CLEC4G: variants seen among roughly 807,000 people sequenced by gnomAD.
CLEC4G encodes C-type lectin superfamily 4, member G.
In CLEC4G, 34 loss-of-function variants were observed where a neutral mutation model predicts 37.0. That is an observed-to-expected ratio of 0.92 (90% CI 0.70 to 1.22). CLEC4G has a LOEUF of 1.22. Ranked by LOEUF, CLEC4G falls within the 50% of genes most tolerant of loss-of-function variation. The probability of loss-of-function intolerance (pLI) is 0.00; values close to 1 mark genes in which losing one functional copy is unlikely to be tolerated. For missense variants in CLEC4G, 390 were observed against 392.9 expected (o/e 0.99, Z 0.06); for synonymous variants, 167 against 165.6 (o/e 1.01, Z -0.06).
chr19:7,730,136 C>T lies in CLEC4G; in HGVS notation c.510G>A (p.Leu170=). The T allele has an allele frequency of 2.5e-6, 4 of 1,613,040 alleles. No homozygotes were observed. The highest frequency in any genetic ancestry group is 3.4e-6 in the Non-Finnish European group (4 of 1,179,702). The part of the protein sequence containing the change: ...NSCEPCPTSW[L]SFEGSCYFFS... ...AAAAGTAGCAGGAGCCCTCGAAGGACAGCCACGACGTGGGGCACGGCTCGC... is the reference window on the plus strand; with the variant it reads ...AAAAGTAGCAGGAGCCCTCGAAGGATAGCCACGACGTGGGGCACGGCTCGC... Residue 170 remains leucine (L), a synonymous_variant, in exon 7 of 9, where the codon CTG becomes CTA. Transcript: ENST00000328853. This position sits in a 1 kb window ranked among gnomAD's most constrained non-coding sequence, Gnocchi z 7.3.
chr19:7,731,458 G>A, intron 2 of CLEC4G, 139 bp from the exon 3 acceptor site: 2 of 1,479,340 alleles, frequency 1.4e-6, no homozygotes, highest in Non-Finnish European at 1.8e-6. Context: ...ACACGCCGAT[G>A]GGAGACAAAC....
At position 7,731,050 on chromosome 19, in the gene CLEC4G, C is replaced by T. The variant is rs2033423884; in HGVS notation, c.259G>A (p.Glu87Lys). Residue 87 changes from glutamate (E) to lysine (K), a missense_variant, in exon 4 of 9, where the codon GAG becomes AAG. Coordinates refer to ENST00000328853, the MANE Select transcript of CLEC4G (RefSeq NM_198492.4). ...CAGCAGCTGTGGCAGTCTCCGACCT[C>T]CTCCTTCAGGGCACCCAGCGCCGCC... ...QTAALGALKE[E>K]VGDCHSCCSG... is the part of the protein sequence containing the mutation. 6.2e-7 allele frequency: 1 copy of T among 1,605,346 alleles called. No homozygotes were observed. The highest frequency in any genetic ancestry group is 8.5e-7 in the Non-Finnish European group (1 of 1,179,618).
chr19:7,730,924 C>A lies in CLEC4G; in HGVS notation c.284-65G>T. On this transcript the variant is annotated intron_variant, in intron 4 of 8. Coordinates refer to ENST00000328853, the MANE Select transcript of CLEC4G (RefSeq NM_198492.4). This position sits in a 1 kb window ranked among gnomAD's most constrained non-coding sequence, Gnocchi z 7.3. Reference sequence around the variant, plus strand: ...TGGGGCGGGACTTCGGAGACCAGCCCCCGCCCCGCACCACCCGCCGCAGGC... The same window carrying A: ...TGGGGCGGGACTTCGGAGACCAGCCACCGCCCCGCACCACCCGCCGCAGGC... The A allele has an allele frequency of 6.7e-7, 1 of 1,494,020 alleles. No homozygotes were observed. Among genetic ancestry groups the A allele is most frequent in the Non-Finnish European group, 8.9e-7 (1 of 1,127,128 alleles). 92.5% of individuals were successfully genotyped at this position (1,494,020 alleles called of 1,614,324 possible). A position where few individuals can be genotyped will look rare whatever the true frequency, so the allele number is the denominator to read the frequency against.
At chr19:7,731,577 G>GGATGCAGCTGGTGCGCC (rs1280557751) in intron 2 of CLEC4G, 84 bp downstream of exon 2, 9 of 1,542,268 alleles carry the variant, frequency 5.8e-6, no homozygotes, top group Non-Finnish European at 7.0e-6. Flanking sequence ...CAGGACCCCA[G>GGATGCAGCTGGTGCGCC]GATGCAGCTG....
chr19:7,731,748 A>G lies in CLEC4G; in HGVS notation c.79T>C (p.Trp27Arg), dbSNP rs1439608581. The G allele has an allele frequency of 6.2e-7, 1 of 1,614,042 alleles. No individual in the cohort carries two copies. Among genetic ancestry groups the G allele is most frequent in the Non-Finnish European group, 8.5e-7 (1 of 1,179,996 alleles). Reference protein sequence around the residue: ...PGGPWGRWVHWSRRPLFLALA... With the variant: ...PGGPWGRWVHRSRRPLFLALA... ...GCCAAGAAGAGGGGTCTCCTGCTCC[A>G]GTGCACCCAGCGTCCCCAGGGCCCT... The change falls in exon 2 of 9, where the codon TGG becomes CGG. Residue 27 changes from tryptophan (W) to arginine (R), a missense_variant. By Grantham distance (101) the Trp-to-Arg change is moderately radical (BLOSUM62 -3). Transcript: ENST00000328853.
intron 2 of CLEC4G, 146 bp from the exon 3 acceptor site, chr19:7,731,465 A>C: frequency 6.8e-7 from 1 of 1,476,312 alleles, no homozygotes; most frequent in South Asian, 1.4e-5. Context: ...GATGGGAGAC[A>C]AACGCGCGGG....
intron 2 of CLEC4G, 161 bp from the exon 3 acceptor site, chr19:7,731,480 C>T (rs12978401): frequency 0.29 from 421,343 of 1,469,538 alleles, 63,748 homozygotes; most frequent in East Asian, 0.45. Context: ...CGCGGGGACT[C>T]GCGCACATAC....
Position 7,731,887 on chromosome 19 carries a change from T to C in CLEC4G, c.56-116A>G, listed in dbSNP as rs574395901. 9.8e-6 allele frequency: 15 copies of C among 1,525,636 alleles called. No homozygotes were observed. In the African/African-American group the frequency reaches 1.5e-4, roughly 15 times the overall value. The allele number at this position is 1,525,636 out of a possible 1,614,324, so 94.5% of individuals were successfully genotyped here. A position where few individuals can be genotyped will look rare whatever the true frequency, so the allele number is the denominator to read the frequency against. On this transcript the variant is annotated intron_variant, in intron 1 of 8. Transcript: ENST00000328853. Reference sequence around the variant, plus strand: ...AGTAACTTGCCTATGGTCACACAGCTTCTAAGCGGCAGAGTTGGAATTGGA... The same window carrying C: ...AGTAACTTGCCTATGGTCACACAGCCTCTAAGCGGCAGAGTTGGAATTGGA...
At chr19:7,731,874 A>G (rs2033438966) in intron 1 of CLEC4G, 103 bp from the exon 2 acceptor site, 3 of 1,530,598 alleles carry the variant, frequency 2.0e-6, no homozygotes, top group African/African-American at 1.4e-5. Context: ...TAACTTGCCT[A>G]TGGTCACACA....
In CLEC4G at chr19:7,730,072, G is replaced by A; in HGVS notation, c.574C>T (p.His192Tyr). ...PKTTWAAAQD[H>Y]CADASAHLVI... The stretch of plus-strand genomic sequence containing the variant: ...AGGTGCGCGCTGGCATCTGCGCAGT[G>A]ATCCTGCGCCGCCGCCCACGTCGTC... Residue 192 changes from histidine (H) to tyrosine (Y), a missense_variant, in exon 7 of 9, where the codon CAC (histidine) becomes TAC (tyrosine). Transcript: ENST00000328853. The surrounding 1 kb of genome is among the most constrained non-coding windows in gnomAD (Gnocchi z 7.3). 1 of 1,606,594 alleles carries A rather than the reference G, an allele frequency of 6.2e-7. No homozygotes were observed. Among genetic ancestry groups the A allele is most frequent in the Non-Finnish European group, 8.5e-7 (1 of 1,177,848 alleles).
chr19:7,731,522 A>G (rs1252329112), intron 2 of CLEC4G, 139 bp downstream of exon 2: 1 of 1,462,704 alleles, frequency 6.8e-7, no homozygotes, highest in Non-Finnish European at 9.2e-7. Flanking sequence ...GTGAGTGCAC[A>G]CGGCCCAAAG....
Position 7,729,834 on chromosome 19 carries a change from A to G in CLEC4G, c.730T>C (p.Ser244Pro). Residue 244 changes from serine to proline, a missense_variant, in exon 8 of 9, where the codon TCT becomes CCT. Transcript: ENST00000328853. ...CCTTTCCCTCACCTGAAGCTGAGAG[A>G]GACTCCGTCCACCCACTGGTAGCCC... ...VQGYQWVDGV[S>P]LSFSHWNQGE... 1 of 1,613,994 alleles carries G rather than the reference A, an allele frequency of 6.2e-7. No individual in the cohort carries two copies.
rs2033413569 is a variant in CLEC4G, at chr19:7,730,578, G to T, written c.389-138C>A. 1 of 1,455,326 alleles carries T rather than the reference G, an allele frequency of 6.9e-7. No individual in the cohort carries two copies. Among genetic ancestry groups the T allele is most frequent in the African/African-American group, 1.4e-5 (1 of 71,030 alleles). The allele number at this position is 1,455,326 out of a possible 1,614,324, so 90.2% of individuals were successfully genotyped here. The stretch of plus-strand genomic sequence containing the variant: ...TCCAGGATGGCACAGGGTCAAGGGC[G>T]GTTACAACTGGGCAGGGTCCGGGTG... On this transcript the variant is annotated intron_variant, in intron 5 of 8. Coordinates refer to ENST00000328853, the MANE Select transcript of CLEC4G (RefSeq NM_198492.4). The surrounding 1 kb of genome is among the most constrained non-coding windows in gnomAD (Gnocchi z 7.3).
Position 7,731,644 on chromosome 19 carries a change from C to T in CLEC4G, c.166+17G>A, listed in dbSNP as rs750744990. ...AGGGGGGCCGGATGCAACACCTCCC[C>T]ATTGAGAGTCACTCACCCTTGGACA... is the stretch of plus-strand genomic sequence containing the variant. On this transcript the variant is annotated intron_variant, in intron 2 of 8. Transcript: ENST00000328853. 6.2e-7 allele frequency: 1 copy of T among 1,612,534 alleles called. No individual in the cohort carries two copies. Among genetic ancestry groups the T allele is most frequent in the South Asian group, 1.1e-5 (1 of 90,856 alleles).
intron 2 of CLEC4G, 76 bp downstream of exon 2, chr19:7,731,584 GC>G: frequency 6.4e-7 from 1 of 1,555,824 alleles, no homozygotes; most frequent in Non-Finnish European, 8.7e-7. Context: ...CCAGGATGCA[GC>G]TGGTGCGCCA....
Position 7,730,443 on chromosome 19 carries a change from G to T in CLEC4G, c.389-3C>A. On this transcript the variant is annotated splice_polypyrimidine_tract_variant and splice_region_variant and intron_variant, in intron 5 of 8. Transcript: ENST00000328853. The surrounding 1 kb of genome is among the most constrained non-coding windows in gnomAD (Gnocchi z 7.3). Reference sequence around the variant, plus strand: ...GGCTTCAGCCAAGCCCTGGGTCACTGCGGGGTCAAGGGAGCGGGGATTATG... The same window carrying T: ...GGCTTCAGCCAAGCCCTGGGTCACTTCGGGGTCAAGGGAGCGGGGATTATG... 6.2e-7 allele frequency: 1 copy of T among 1,600,618 alleles called. No homozygotes were observed. The highest frequency in any genetic ancestry group is 8.5e-7 in the Non-Finnish European group (1 of 1,179,784).
Position 7,730,269 on chromosome 19 carries a change from A to G in CLEC4G, c.478+82T>C, listed in dbSNP as rs2033407785. ...CGGCCCCGCGGGCTCAGGGGTGGAG[A>G]CACAGAACCAGGCCAAGGTCCAGGA... is the stretch of plus-strand genomic sequence containing the variant. On this transcript the variant is annotated intron_variant, in intron 6 of 8. Transcript: ENST00000328853. This position sits in a 1 kb window ranked among gnomAD's most constrained non-coding sequence, Gnocchi z 7.3. 2 of 1,571,204 alleles carry G rather than the reference A, an allele frequency of 1.3e-6. No individual in the cohort carries two copies. Among genetic ancestry groups the G allele is most frequent in the Middle Eastern group, 1.7e-4 (1 of 5,856 alleles).
At position 7,730,185 on chromosome 19, in the gene CLEC4G, T is replaced by C. The variant is rs1010346889; in HGVS notation, c.479-18A>G. 1 of 1,607,528 alleles carries C rather than the reference T, an allele frequency of 6.2e-7. No individual in the cohort carries two copies. The highest frequency in any genetic ancestry group is 1.3e-5 in the African/African-American group (1 of 74,278). On this transcript the variant is annotated intron_variant, in intron 6 of 8. Coordinates refer to ENST00000328853, the MANE Select transcript of CLEC4G (RefSeq NM_198492.4). The surrounding 1 kb of genome is among the most constrained non-coding windows in gnomAD (Gnocchi z 7.3). ...GCAGGAGTCTGCGGGGTGGCGAGGG[T>C]CAGAGAGGTCGCGTGCTTCCAGGGG...
In CLEC4G at chr19:7,731,027, G is replaced by A. The variant is rs2033423313; in HGVS notation, c.282C>T (p.Cys94=). ...LKEEVGDCHS[C]CSGTQAQLQT... ...ACAGCCTCGACCGCGCCCCCTCACAGCAGCTGTGGCAGTCTCCGACCTCCT... is the reference window on the plus strand; with the variant it reads ...ACAGCCTCGACCGCGCCCCCTCACAACAGCTGTGGCAGTCTCCGACCTCCT... The change falls in exon 4 of 9, where the codon TGC becomes TGT. Residue 94 remains cysteine, a splice_region_variant and synonymous_variant. Coordinates refer to ENST00000328853, the MANE Select transcript of CLEC4G (RefSeq NM_198492.4). The A allele has an allele frequency of 6.3e-7, 1 of 1,599,536 alleles. No individual in the cohort carries two copies. The highest frequency in any genetic ancestry group is 8.5e-7 in the Non-Finnish European group (1 of 1,177,834).
Sources: gnomAD v4.1 joint callset for allele counts on GRCh38, gnomAD v4.1.1 for gene constraint, Gnocchi (gnomAD v3.1) non-coding constraint, MANE v1.5 for transcripts, NCBI Gene and HGNC (gene_info 2026-07-23, HGNC 2026-07-21) for gene names.